TTLL13: variants seen among roughly 807,000 people sequenced by gnomAD.
TTLL13 encodes tubulin polyglutamylase TTLL13.
chr15:90,256,127 C>CAGAGAGG, the TTLL13 span: 1 of 1,612,718 alleles, frequency 6.2e-7, no homozygotes, highest in African/African-American at 1.3e-5. Context: ...TGACCAGGCC[C>CAGAGAGG]TCTCTGCACA....
chr15:90,250,687 G>A, the TTLL13 span: 1 of 1,614,066 alleles, frequency 6.2e-7, no homozygotes, highest in Non-Finnish European at 8.5e-7. Context: ...TTGAGGAAAA[G>A]GAATCTGAGA....
At chr15:90,256,568 T>G in the TTLL13 span, among the ~76,000 whole-genome samples, 1 of 29,896 alleles carries the variant, frequency 3.3e-5, no homozygotes, top group Non-Finnish European at 6.6e-5. Context: ...TTTCTTTCTT[T>G]CTTTCTTTCT....
At chr15:90,251,821 C>T in the TTLL13 span, among the ~76,000 whole-genome samples, 4 of 55,568 alleles carry the variant, frequency 7.2e-5, no homozygotes, top group African/African-American at 2.4e-4. Context: ...TCACAGTAAA[C>T]AAGAAAAAAA....
the TTLL13 span, chr15:90,264,056 G>C: frequency 6.5e-7 from 1 of 1,529,752 alleles, no homozygotes; most frequent in Non-Finnish European, 8.8e-7. Flanking sequence ...AGGCTCACTA[G>C]CCGTAAGTAT....
the TTLL13 span, among the ~76,000 whole-genome samples, chr15:90,256,597 CTT>C: frequency 0.012 from 432 of 35,268 alleles, 8 homozygotes; most frequent in African/African-American, 0.043. Context: ...TTCTTTCTTT[CTT>C]TCTTTCTTTC....
the TTLL13 span, among the ~76,000 whole-genome samples, chr15:90,250,380 C>G: frequency 6.6e-6 from 1 of 152,190 alleles, no homozygotes. Context: ...CCAGTGTGAA[C>G]CTGGATGATT....
chr15:90,264,082 G>A, the TTLL13 span: 2 of 1,452,502 alleles, frequency 1.4e-6, no homozygotes, highest in East Asian at 4.9e-5. Context: ...ACTAGCTTTG[G>A]TCATTTTGAC....
chr15:90,256,602 TTTCTTTCC>T, the TTLL13 span, among the ~76,000 whole-genome samples: 634 of 28,658 alleles, frequency 0.022, 1 homozygote, highest in East Asian at 0.046. Context: ...TCTTTCTTTC[TTTCTTTCC>T]TTCCTTCCTT....
chr15:90,264,446 C>T, the TTLL13 span, among the ~76,000 whole-genome samples: 1 of 152,210 alleles, frequency 6.6e-6, no homozygotes, highest in African/African-American at 2.4e-5. Flanking sequence ...GCTAGGATTA[C>T]AGGTGTAAGC....
chr15:90,252,427 C>G, the TTLL13 span, among the ~76,000 whole-genome samples: 1 of 152,138 alleles, frequency 6.6e-6, no homozygotes, highest in Admixed American at 6.6e-5. Context: ...GTGATCCTCC[C>G]ACTTCAGCTT....
At chr15:90,250,520 C>T in the TTLL13 span, 10 of 1,357,340 alleles carry the variant, frequency 7.4e-6, no homozygotes, top group South Asian at 1.3e-4. Context: ...TCCCTTATAA[C>T]AGCATGAAGG....
the TTLL13 span, chr15:90,262,061 G>A: frequency 6.5e-7 from 1 of 1,535,864 alleles, no homozygotes; most frequent in Non-Finnish European, 8.7e-7. Flanking sequence ...ACGATATGAG[G>A]ATTCTCACCT....
chr15:90,258,269 G>A, the TTLL13 span: 3 of 1,614,072 alleles, frequency 1.9e-6, no homozygotes, highest in East Asian at 2.2e-5. Context: ...GGCTGCTAGA[G>A]GTGAGGATTA....
the TTLL13 span, chr15:90,258,849 A>T: frequency 6.2e-7 from 1 of 1,614,132 alleles, no homozygotes; most frequent in Non-Finnish European, 8.5e-7. Context: ...GGCTGTGACA[A>T]AAGGAAGGTG....
chr15:90,258,243 C>A, the TTLL13 span: 1 of 1,614,202 alleles, frequency 6.2e-7, no homozygotes, highest in East Asian at 2.2e-5. Flanking sequence ...CTTGCTGGAC[C>A]ACAAGTTGAA....
chr15:90,261,549 T>C, the TTLL13 span, among the ~76,000 whole-genome samples: 3 of 151,870 alleles, frequency 2.0e-5, no homozygotes, highest in African/African-American at 4.8e-5. Flanking sequence ...TCCCAGCACT[T>C]TGGGAGGCCG....
the TTLL13 span, chr15:90,262,754 TC>T: frequency 3.8e-6 from 5 of 1,304,774 alleles, no homozygotes; most frequent in Non-Finnish European, 5.1e-6. Flanking sequence ...TGCTGTCTTC[TC>T]CTCCCCATGC....
chr15:90,263,122 C>G, the TTLL13 span: 1 of 1,526,706 alleles, frequency 6.6e-7, no homozygotes, highest in Non-Finnish European at 8.7e-7. Context: ...CCCCCAGGGC[C>G]AGAAAAAACT....
At chr15:90,262,898 G>A in the TTLL13 span, 10 of 1,469,896 alleles carry the variant, frequency 6.8e-6, no homozygotes, top group Non-Finnish European at 9.0e-6. Context: ...GAGGCCTGTA[G>A]CCATCCTGGG....
Sources: allele counts gnomAD v4.1 joint callset (sites outside exome capture counted in the v4.1 genomes callset), GRCh38; gene constraint gnomAD v4.1.1; transcripts MANE v1.5; gene names NCBI Gene and HGNC (gene_info 2026-07-23, HGNC 2026-07-21).